SSBP2: variants seen among roughly 807,000 people sequenced by gnomAD.
SSBP2 encodes single stranded DNA binding protein 2.
SSBP2 carries 17 observed loss-of-function variants against 61.8 expected under a neutral mutation model. The observed-to-expected ratio is 0.28, with a 90% CI of 0.19 to 0.41. The LOEUF (loss-of-function observed/expected upper bound fraction) is 0.41, where lower values mean the gene tolerates loss of function less well. Ranked by LOEUF, SSBP2 falls within the 10% of genes least tolerant of loss-of-function variation. SSBP2 has a pLI of 1.00. For missense variants in SSBP2, 310 were observed against 458.7 expected, an observed-to-expected ratio of 0.68 and a Z score of 2.96; for synonymous variants, 139 against 141.3, an observed-to-expected ratio of 0.98 and a Z score of 0.12.
chr5:81,732,559 T>G (rs1359440802), intron 1 of SSBP2, among the ~76,000 whole-genome samples: 1 of 152,262 alleles, frequency 6.6e-6, no homozygotes, highest in Non-Finnish European at 1.5e-5. Context: ...ACAATTTGCT[T>G]GTTTTTCCTA....
chr5:81,460,592 T>C (rs947135919), intron 10 of SSBP2, among the ~76,000 whole-genome samples: 14 of 152,162 alleles, frequency 9.2e-5, no homozygotes, highest in African/African-American at 3.1e-4. Flanking sequence ...AGGTACAAGG[T>C]AAATATGCAT....
At chr5:81,680,644 G>C (rs1315620782) in intron 1 of SSBP2, among the ~76,000 whole-genome samples, 1 of 152,110 alleles carries the variant, frequency 6.6e-6, no homozygotes, top group Non-Finnish European at 1.5e-5. Context: ...GCAGACTTCA[G>C]AGTAAGGAGG....
intron 16 of SSBP2, among the ~76,000 whole-genome samples, chr5:81,423,616 G>A (rs756405403): frequency 6.6e-6 from 1 of 151,990 alleles, no homozygotes; most frequent in African/African-American, 2.4e-5. Context: ...GAGGTGGCAG[G>A]TGCCTATAAT....
intron 4 of SSBP2, among the ~76,000 whole-genome samples, chr5:81,614,098 C>T (rs562480268): frequency 6.6e-6 from 1 of 152,072 alleles, no homozygotes; most frequent in Non-Finnish European, 1.5e-5. Flanking sequence ...CGGTGGCTCA[C>T]GCCTGTAATC....
In SSBP2 at chr5:81,416,434, G is replaced by C. The variant is rs1216133399; in HGVS notation, c.*4070C>G. ...AATGGTAAGGGCTGAGAAGGTAACA[G>C]TGTTCAGTTGGTATTTTATTTCTCC... On this transcript the variant is annotated 3_prime_UTR_variant, in exon 17 of 17. Coordinates refer to ENST00000320672, the MANE Select transcript of SSBP2 (RefSeq NM_012446.5). The C allele has an allele frequency of 2.6e-5, 4 of 152,220 alleles. No homozygotes were observed. The highest frequency in any genetic ancestry group is 9.7e-5 in the African/African-American group (4 of 41,428). The allele number at this position is 152,220 out of a possible 1,614,324, so 9.4% of individuals were successfully genotyped here.
Position 81,448,698 on chromosome 5 carries a change from A to AGGG in SSBP2, c.723+89_723+91dup. On this transcript the variant is annotated intron_variant, in intron 11 of 16. Transcript: ENST00000320672. ...GATGTTCACTTCTTGGCCAATACAC[A>AGGG]GGGGCTCTTCTTAACATCTGGACAA... 5 of 1,285,670 alleles carry AGGG rather than the reference A, an allele frequency of 3.9e-6. No individual in the cohort carries two copies. The South Asian group carries it at 6.1e-5, about 16-fold the overall frequency. The allele number at this position is 1,285,670 out of a possible 1,614,324, so 79.6% of individuals were successfully genotyped here.
chr5:81,617,042 C>T (rs1232695829), intron 3 of SSBP2, among the ~76,000 whole-genome samples: 8 of 90,806 alleles, frequency 8.8e-5, no homozygotes, highest in Non-Finnish European at 1.8e-4. Flanking sequence ...AAACGCAGAG[C>T]GCCTCTCCTC....
intron 15 of SSBP2, among the ~76,000 whole-genome samples, chr5:81,436,446 G>C (rs912931723): frequency 1.3e-5 from 2 of 151,922 alleles, no homozygotes; most frequent in Admixed American, 1.3e-4. Context: ...AAATACATGT[G>C]GAGCTTGTGA....
intron 15 of SSBP2, among the ~76,000 whole-genome samples, chr5:81,434,795 A>G (rs116685898): frequency 0.01 from 1,541 of 152,286 alleles, 22 homozygotes; most frequent in African/African-American, 0.035. Flanking sequence ...TTCTTGAGAT[A>G]GCTGAACATG....
chr5:81,521,854 C>T (rs1004939973), intron 4 of SSBP2, among the ~76,000 whole-genome samples: 1 of 151,854 alleles, frequency 6.6e-6, no homozygotes, highest in Non-Finnish European at 1.5e-5. Flanking sequence ...ATGTTATTAA[C>T]AACTAGATAA....
intron 1 of SSBP2, among the ~76,000 whole-genome samples, chr5:81,721,096 G>A (rs929818462): frequency 6.6e-6 from 1 of 152,078 alleles, no homozygotes; most frequent in African/African-American, 2.4e-5. Context: ...TTTATAAAGA[G>A]CCACAATAGT....
intron 5 of SSBP2, among the ~76,000 whole-genome samples, chr5:81,495,741 G>A (rs567714807): frequency 6.6e-6 from 1 of 152,000 alleles, no homozygotes; most frequent in African/African-American, 2.4e-5. Context: ...CAATATATAA[G>A]TCACCTTATA....
At chr5:81,435,294 G>A (rs1762605226) in intron 15 of SSBP2, among the ~76,000 whole-genome samples, 1 of 152,134 alleles carries the variant, frequency 6.6e-6, no homozygotes, top group Non-Finnish European at 1.5e-5. Flanking sequence ...TGGATTTTTA[G>A]AGCCCAGCAT....
rs1056058565 is a variant in SSBP2, at chr5:81,677,845, A to C, written c.63-27506T>G. Among the ~76,000 whole-genome samples, 5 of 151,598 alleles carry C rather than the reference A, an allele frequency of 3.3e-5. 1 individual carries two copies. Among genetic ancestry groups the C allele is most frequent in the African/African-American group, 9.7e-5 (4 of 41,280 alleles). On this transcript the variant is annotated intron_variant, in intron 1 of 16. Coordinates refer to ENST00000320672, the MANE Select transcript of SSBP2 (RefSeq NM_012446.5). ...CTTAAGGGTGAAAAAAAAAAAAAAA[A>C]AGCACTGATGAAGCTCAGTCCAGGG...
At chr5:81,603,130 G>A (rs1337781009) in intron 4 of SSBP2, among the ~76,000 whole-genome samples, 1 of 152,168 alleles carries the variant, frequency 6.6e-6, no homozygotes, top group African/African-American at 2.4e-5. Context: ...ATGCTCATGG[G>A]TTCTCCAGTT....
chr5:81,456,254 T>G lies in SSBP2; in HGVS notation c.687+4801A>C, dbSNP rs531432781. Among the ~76,000 whole-genome samples the G allele has an allele frequency of 6.6e-5, 10 of 152,252 alleles. No individual in the cohort carries two copies. The South Asian group carries it at 1.7e-3, about 25-fold the overall frequency. On this transcript the variant is annotated intron_variant, in intron 10 of 16. Transcript: ENST00000320672. ...TTTTTCCCCTGACAAGTGAGCGAAT[T>G]AATGAGTATAATGCTATACTGAACA...
In SSBP2 at chr5:81,743,503, T is replaced by C. The variant is rs146614748; in HGVS notation, c.62+7478A>G. ...ACATTTATTTGCTTATTATTATATATTTCTCCTTCAACCTTCAAAGTCTCA... is the reference window on the plus strand; with the variant it reads ...ACATTTATTTGCTTATTATTATATACTTCTCCTTCAACCTTCAAAGTCTCA... On this transcript the variant is annotated intron_variant, in intron 1 of 16. Transcript: ENST00000320672. Among the ~76,000 whole-genome samples, 19 of 152,312 alleles carry C rather than the reference T, an allele frequency of 1.2e-4. No individual in the cohort carries two copies. In the East Asian group the frequency reaches 2.9e-3, roughly 23 times the overall value.
chr5:81,529,704 A>G (rs1384311242), intron 4 of SSBP2, among the ~76,000 whole-genome samples: 2 of 152,148 alleles, frequency 1.3e-5, no homozygotes, highest in Non-Finnish European at 2.9e-5. Flanking sequence ...GAAGAACAAC[A>G]TAGATATGCA....
intron 4 of SSBP2, among the ~76,000 whole-genome samples, chr5:81,598,270 C>T (rs922246661): frequency 1.3e-5 from 2 of 151,962 alleles, no homozygotes; most frequent in Non-Finnish European, 2.9e-5. Context: ...ATAGGAATTA[C>T]CACAAACTTC....
Sources: gnomAD v4.1 joint callset for allele counts (sites outside exome capture counted in the v4.1 genomes callset) on GRCh38, gnomAD v4.1.1 for gene constraint, MANE v1.5 for transcripts, NCBI Gene and HGNC (gene_info 2026-07-23, HGNC 2026-07-21) for gene names.